The following FIRRM variants were observed in gnomAD, a reference collection of about 807,000 sequenced individuals.
FIRRM encodes the protein FIGNL1 interacting regulator of recombination and mitosis.
chr1:169,816,549 T>C, the FIRRM span, among the ~76,000 whole-genome samples: 1 of 152,246 alleles, frequency 6.6e-6, no homozygotes, highest in African/African-American at 2.4e-5. Context: ...GCAAGAATAA[T>C]TATTTTTCAC....
the FIRRM span, chr1:169,853,200 G>T: frequency 7.0e-6 from 4 of 574,822 alleles, no homozygotes; most frequent in Non-Finnish European, 6.1e-6. Context: ...AACTGCCTAG[G>T]TCCACAAAGA....
chr1:169,841,191 A>G, the FIRRM span, among the ~76,000 whole-genome samples: 27 of 152,152 alleles, frequency 1.8e-4, no homozygotes, highest in Non-Finnish European at 3.8e-4. Flanking sequence ...AGCTTTTTCC[A>G]TATCTATTGA....
At chr1:169,832,019 A>G in the FIRRM span, among the ~76,000 whole-genome samples, 1 of 152,136 alleles carries the variant, frequency 6.6e-6, no homozygotes, top group East Asian at 1.9e-4. Context: ...TTGGCCTCCC[A>G]AAGTGCTGGG....
chr1:169,852,269 T>C, the FIRRM span: 1 of 341,232 alleles, frequency 2.9e-6, no homozygotes. Context: ...GTTTGATTCC[T>C]TGCCTTATTA....
At chr1:169,829,303 T>C in the FIRRM span, 185 of 1,606,848 alleles carry the variant, frequency 1.2e-4, no homozygotes, top group Non-Finnish European at 1.5e-4. Flanking sequence ...TTTTGAGCAG[T>C]GTTCTGGTGA....
chr1:169,826,570 C>A, the FIRRM span, among the ~76,000 whole-genome samples: 1 of 151,688 alleles, frequency 6.6e-6, no homozygotes, highest in South Asian at 2.1e-4. Context: ...ACCATGTTGG[C>A]AAGGCTGGTC....
chr1:169,805,993 T>G, the FIRRM span: 1 of 1,564,886 alleles, frequency 6.4e-7, no homozygotes, highest in Admixed American at 1.7e-5. Context: ...TTCTGTTATC[T>G]TTCTTTGCAG....
At chr1:169,804,834 C>T in the FIRRM span, among the ~76,000 whole-genome samples, 3 of 152,262 alleles carry the variant, frequency 2.0e-5, no homozygotes, top group East Asian at 5.8e-4. Context: ...AGGCGTCCGC[C>T]ACCACACCTG....
At chr1:169,849,472 C>G in the FIRRM span, 1 of 1,516,730 alleles carries the variant, frequency 6.6e-7, no homozygotes, top group African/African-American at 1.4e-5. Context: ...TTTCTTTTCT[C>G]TATTATAATA....
At chr1:169,827,171 C>G in the FIRRM span, 1 of 1,613,424 alleles carries the variant, frequency 6.2e-7, no homozygotes, top group East Asian at 2.2e-5. Flanking sequence ...TTCAGCCTTT[C>G]ATGCAGGTGG....
the FIRRM span, chr1:169,847,925 A>G: frequency 1.3e-5 from 8 of 607,492 alleles, no homozygotes; most frequent in Admixed American, 6.0e-5. Context: ...GAAAAAAAAA[A>G]CTATGTTCCA....
chr1:169,843,770 G>C, the FIRRM span: 1 of 1,568,100 alleles, frequency 6.4e-7, no homozygotes, highest in Non-Finnish European at 8.8e-7. Context: ...GATACTTCAG[G>C]TAAGAATAAT....
the FIRRM span, chr1:169,792,755 C>T: frequency 6.2e-7 from 1 of 1,613,722 alleles, no homozygotes; most frequent in Non-Finnish European, 8.5e-7. Context: ...TCCATTTTTA[C>T]TTAACAGTCT....
At chr1:169,790,007 A>G in the FIRRM span, among the ~76,000 whole-genome samples, 2 of 152,136 alleles carry the variant, frequency 1.3e-5, no homozygotes, top group East Asian at 3.9e-4. Flanking sequence ...TTGAATTTTA[A>G]CCCAAGTTAT....
the FIRRM span, chr1:169,850,979 G>GT: frequency 9.6e-5 from 6 of 62,590 alleles, no homozygotes; most frequent in African/African-American, 5.4e-4. Context: ...TTTAGGCATG[G>GT]CTTTTTTTTT....
chr1:169,786,123 TA>T, the FIRRM span, among the ~76,000 whole-genome samples: 1 of 152,296 alleles, frequency 6.6e-6, no homozygotes, highest in South Asian at 2.1e-4. Context: ...GGAGGTTATA[TA>T]AATAATATTT....
the FIRRM span, chr1:169,795,790 TTTC>T: frequency 1.0e-6 from 1 of 985,438 alleles, no homozygotes; most frequent in African/African-American, 1.7e-5. Context: ...TTCTTCTTTC[TTTC>T]TTTTTTTTTG....
At chr1:169,823,577 T>A in the FIRRM span, 1 of 650,144 alleles carries the variant, frequency 1.5e-6, no homozygotes, top group East Asian at 3.0e-5. Context: ...TTTTTCTTAA[T>A]GTTTTAGTAA....
the FIRRM span, among the ~76,000 whole-genome samples, chr1:169,797,552 T>TTTTG: frequency 2.6e-5 from 4 of 152,278 alleles, no homozygotes; most frequent in South Asian, 2.1e-4. Flanking sequence ...ATGGGTTTTT[T>TTTTG]TTTGTTTGTT....
Sources: gnomAD v4.1 joint callset for allele counts (sites outside exome capture counted in the v4.1 genomes callset) on GRCh38, gnomAD v4.1.1 for gene constraint, MANE v1.5 for transcripts, NCBI Gene and HGNC (gene_info 2026-07-23, HGNC 2026-07-21) for gene names.